LRRC27: variants seen among roughly 807,000 people sequenced by gnomAD.
LRRC27 encodes the protein leucine-rich repeat-containing protein 27.
LRRC27 carries 57 observed loss-of-function variants against 55.0 expected under a neutral mutation model. The observed-to-expected ratio is 1.04, with a 90% CI of 0.84 to 1.29. The LOEUF is 1.29. Among genes scored for constraint, LRRC27 ranks in the 50% most tolerant of loss-of-function variants. The probability of loss-of-function intolerance (pLI) is 0.00; values close to 1 mark genes in which losing one functional copy is unlikely to be tolerated. For missense variants in LRRC27, 721 were observed against 651.5 expected (o/e 1.11, Z -1.16); for synonymous variants, 278 against 251.9 (o/e 1.10, Z -0.98).
chr10:132,348,159 C>G lies in LRRC27; in HGVS notation c.729C>G (p.Leu243=). ...TGGAAAAGCCAGACCTGAGTGAACT[C>G]AGGAAGTCTGCGGACTCCTCAGAGA... ...PPVEKPDLSE[L]RKSADSSENW... is the part of the protein sequence containing the mutation. Residue 243 remains leucine, a synonymous_variant, in exon 6 of 11, where the codon CTC becomes CTG. Transcript: ENST00000368614. The surrounding 1 kb of genome is among the most constrained non-coding windows in gnomAD (Gnocchi z 4.2). The G allele has an allele frequency of 6.2e-7, 1 of 1,614,088 alleles. No homozygotes were observed. Among genetic ancestry groups the G allele is most frequent in the Non-Finnish European group, 8.5e-7 (1 of 1,180,044 alleles).
chr10:132,331,505 T>A (rs760897652), upstream of LRRC27: 27 of 1,612,746 alleles, frequency 1.7e-5, no homozygotes, highest in Non-Finnish European at 2.1e-5. Context: ...ACGCTCTGAG[T>A]CTGCGTTCCC....
intron 5 of LRRC27, among the ~76,000 whole-genome samples, chr10:132,345,089 G>C (rs1174589069): frequency 6.6e-6 from 1 of 152,202 alleles, no homozygotes; most frequent in Non-Finnish European, 1.5e-5. Context: ...TTGTTGGTGG[G>C]TGCTCACTAA....
chr10:132,355,398 C>T (rs1341202901), intron 7 of LRRC27, among the ~76,000 whole-genome samples: 1 of 152,240 alleles, frequency 6.6e-6, no homozygotes, highest in African/African-American at 2.4e-5. Flanking sequence ...GCATTCAGAT[C>T]TTCCATAGAC....
chr10:132,378,716 T>C lies in LRRC27; in HGVS notation c.*3474T>C, dbSNP rs2133122352. On this transcript the variant is annotated 3_prime_UTR_variant, in exon 11 of 11. Coordinates refer to ENST00000368614, the MANE Select transcript of LRRC27 (RefSeq NM_030626.3). ...AACATTAAAAACAGCAGCTTTATGA[T>C]AGAGAAAAAAACACAAACATAGACG... The C allele has an allele frequency of 1.3e-5, 2 of 152,316 alleles. No homozygotes were observed. Among genetic ancestry groups the C allele is most frequent in the East Asian group, 3.9e-4 (2 of 5,192 alleles). 9.4% of individuals were successfully genotyped at this position (152,316 alleles called of 1,614,324 possible).
rs1157042229 is a variant in LRRC27 at position 132,348,012 on chromosome 10, C to T, written c.582C>T (p.Leu194=). 6.2e-7 allele frequency: 1 copy of T among 1,611,600 alleles called. No homozygotes were observed. Among genetic ancestry groups the T allele is most frequent in the Non-Finnish European group, 8.5e-7 (1 of 1,179,336 alleles). Residue 194 remains leucine (L), a synonymous_variant, in exon 6 of 11, where the codon CTC becomes CTT. Transcript: ENST00000368614. This position sits in a 1 kb window ranked among gnomAD's most constrained non-coding sequence, Gnocchi z 4.2. ...QEAPPVREMT[L]RDLPSPGLEL... is the part of the protein sequence containing the mutation. ...CTCCACCGGTTAGAGAGATGACCCT[C>T]CGTGACCTCCCGAGCCCAGGACTGG...
upstream of LRRC27, chr10:132,331,293 G>A (rs1776501400): frequency 1.6e-5 from 12 of 764,710 alleles, no homozygotes; most frequent in Non-Finnish European, 2.5e-5. Context: ...GACAGAGGGT[G>A]CTACTTTTCA....
At chr10:132,365,349 C>G in intron 9 of LRRC27, 75 bp from the exon 10 acceptor site, 1 of 1,584,640 alleles carries the variant, frequency 6.3e-7, no homozygotes, top group Non-Finnish European at 8.6e-7. Flanking sequence ...ATGCTTTCTC[C>G]CTGGTTATGG....
chr10:132,335,003 A>G (rs1368007703), intron 2 of LRRC27: 2 of 152,222 alleles, frequency 1.3e-5, no homozygotes, highest in African/African-American at 4.8e-5. Context: ...CATAAACAGC[A>G]CTTCCAGAGA....
chr10:132,355,889 A>C lies in LRRC27; in HGVS notation c.1170+3A>C. ...TCCTGCCTCCGCGGAGGAGCATGGTACGGCACGCGCGGGCGGTGACCGGGC... is the reference window on the plus strand; with the variant it reads ...TCCTGCCTCCGCGGAGGAGCATGGTCCGGCACGCGCGGGCGGTGACCGGGC... On this transcript the variant is annotated splice_donor_region_variant and intron_variant, in intron 8 of 10. Coordinates refer to ENST00000368614, the MANE Select transcript of LRRC27 (RefSeq NM_030626.3). The C allele has an allele frequency of 1.3e-6, 2 of 1,549,628 alleles. No homozygotes were observed. The highest frequency in any genetic ancestry group is 1.7e-6 in the Non-Finnish European group (2 of 1,145,366).
At chr10:132,371,266 A>C (rs574161941) in intron 10 of LRRC27, among the ~76,000 whole-genome samples, 56 of 152,262 alleles carry the variant, frequency 3.7e-4, no homozygotes, top group Non-Finnish European at 7.4e-4. Context: ...CTGTGGGAGA[A>C]GGGGATGCCA....
At chr10:132,369,183 G>C (rs887360096) in intron 10 of LRRC27, among the ~76,000 whole-genome samples, 2 of 152,212 alleles carry the variant, frequency 1.3e-5, no homozygotes, top group Non-Finnish European at 2.9e-5. Flanking sequence ...ATAGAAAATG[G>C]TACAGCCACT....
chr10:132,375,260 G>T lies in LRRC27; in HGVS notation c.*18G>T, dbSNP rs767790906. The T allele has an allele frequency of 6.2e-6, 10 of 1,601,928 alleles. No individual in the cohort carries two copies. The highest frequency in any genetic ancestry group is 8.5e-6 in the Non-Finnish European group (10 of 1,172,526). Reference sequence around the variant, plus strand: ...ACCAGTGACACCAGGTGGCTGGACTGATGGAGACGTCTTCAGACAGGAGCC... The same window carrying T: ...ACCAGTGACACCAGGTGGCTGGACTTATGGAGACGTCTTCAGACAGGAGCC... On this transcript the variant is annotated 3_prime_UTR_variant, in exon 11 of 11. Coordinates refer to ENST00000368614, the MANE Select transcript of LRRC27 (RefSeq NM_030626.3).
intron 7 of LRRC27, 31 bp downstream of exon 7, chr10:132,351,784 G>C: frequency 1.3e-6 from 2 of 1,584,996 alleles, no homozygotes; most frequent in Non-Finnish European, 1.7e-6. Context: ...GGTCCGCACA[G>C]CCCGCCCAGT....
At chr10:132,362,159 A>G (rs2068653273) in intron 9 of LRRC27, among the ~76,000 whole-genome samples, 1 of 151,914 alleles carries the variant, frequency 6.6e-6, no homozygotes, top group African/African-American at 2.4e-5. Flanking sequence ...GTCAGGAAGC[A>G]CTTGAGACGT....
chr10:132,369,736 G>T (rs1429544674), intron 10 of LRRC27, among the ~76,000 whole-genome samples: 1 of 152,152 alleles, frequency 6.6e-6, no homozygotes, highest in Non-Finnish European at 1.5e-5. Context: ...CCATGTGCAC[G>T]CATCGAGTGG....
intron 3 of LRRC27, among the ~76,000 whole-genome samples, chr10:132,339,216 G>A (rs780092988): frequency 6.6e-6 from 1 of 152,204 alleles, no homozygotes; most frequent in Non-Finnish European, 1.5e-5. Flanking sequence ...GTGAGGAATG[G>A]TGTCTCCCAA....
At chr10:132,352,645 G>A (rs1379554036) in intron 7 of LRRC27, among the ~76,000 whole-genome samples, 2 of 121,972 alleles carry the variant, frequency 1.6e-5, no homozygotes, top group Non-Finnish European at 1.7e-5. Context: ...TGTGGGGCAG[G>A]CGCTGAGGCC....
intron 4 of LRRC27, among the ~76,000 whole-genome samples, chr10:132,344,238 T>G (rs2067562932): frequency 6.6e-6 from 1 of 152,220 alleles, no homozygotes; most frequent in African/African-American, 2.4e-5. Flanking sequence ...TTTACAGAAT[T>G]GTGAAGGTGG....
At chr10:132,362,630 CA>C (rs2068678533) in intron 9 of LRRC27, among the ~76,000 whole-genome samples, 11 of 142,320 alleles carry the variant, frequency 7.7e-5, no homozygotes, top group Non-Finnish European at 1.7e-4. Context: ...TCTCACCTCA[CA>C]GCAGCTCGGG....
Sources: gnomAD v4.1 joint callset for allele counts (sites outside exome capture counted in the v4.1 genomes callset) on GRCh38, gnomAD v4.1.1 for gene constraint, Gnocchi (gnomAD v3.1) non-coding constraint, MANE v1.5 for transcripts, NCBI Gene and HGNC (gene_info 2026-07-23, HGNC 2026-07-21) for gene names.